Variants in PIN1 observed in about 807,000 individuals in gnomAD.
PIN1 encodes peptidylprolyl cis/trans isomerase, NIMA-interacting 1, also known as peptidyl-prolyl cis-trans isomerase NIMA-interacting 1.
A neutral mutation model predicts 19.9 loss-of-function variants in PIN1; 8 were observed. That is an observed-to-expected ratio of 0.40 (90% CI 0.24 to 0.72). PIN1 has a LOEUF of 0.72. Ranked by LOEUF, PIN1 falls within the 30% of genes least tolerant of loss-of-function variation. The pLI, the probability that PIN1 is intolerant of heterozygous loss-of-function variation, is 0.37. For missense variants in PIN1, 185 were observed against 226.5 expected (o/e 0.82, Z 1.18); for synonymous variants, 86 against 90.8 (o/e 0.95, Z 0.30).
rs761961065 is a variant in PIN1 at position 9,849,594 on chromosome 19, C to A, written c.*395C>A. ...GTTAGGCCACGCTCCTCTGTTCAGTCGCAAAGGTGAACACTCATGCGGCCC... is the reference window on the plus strand; with the variant it reads ...GTTAGGCCACGCTCCTCTGTTCAGTAGCAAAGGTGAACACTCATGCGGCCC... On this transcript the variant is annotated 3_prime_UTR_variant, in exon 4 of 4. Transcript: ENST00000247970. 1.1e-5 allele frequency: 6 copies of A among 543,166 alleles called. No homozygotes were observed. The highest frequency in any genetic ancestry group is 8.4e-5 in the South Asian group (6 of 71,798). The allele number at this position is 543,166 out of a possible 1,614,324, so 33.6% of individuals were successfully genotyped here.
chr19:9,839,741 G>C (rs1012325322), intron 2 of PIN1, among the ~76,000 whole-genome samples: 13 of 152,186 alleles, frequency 8.5e-5, no homozygotes, highest in Non-Finnish European at 1.8e-4. Context: ...GTCTAAAGCT[G>C]TCCAGTTTGG....
At chr19:9,848,536 G>A (rs1246538506) in intron 3 of PIN1, 1 of 271,640 alleles carries the variant, frequency 3.7e-6, no homozygotes, top group African/African-American at 2.2e-5. Context: ...GAAACCAGGG[G>A]TGAGAGGAGG....
At chr19:9,843,344 C>G (rs1214856438) in intron 2 of PIN1, among the ~76,000 whole-genome samples, 1 of 152,280 alleles carries the variant, frequency 6.6e-6, no homozygotes, top group African/African-American at 2.4e-5. Context: ...ACCCTGTCAC[C>G]TCTTTCCCCG....
At chr19:9,837,434 C>CT (rs2046119811) in intron 1 of PIN1, 1 of 153,674 alleles carries the variant, frequency 6.5e-6, no homozygotes, top group Non-Finnish European at 1.4e-5. Context: ...GATTACAGGC[C>CT]TGAGCCACTG....
intron 2 of PIN1, among the ~76,000 whole-genome samples, chr19:9,845,869 G>A (rs916691941): frequency 6.6e-6 from 1 of 152,190 alleles, no homozygotes; most frequent in Non-Finnish European, 1.5e-5. Context: ...GGTGATGCTT[G>A]TTCAGGGCCT....
At chr19:9,842,645 C>T (rs2046179248) in intron 2 of PIN1, among the ~76,000 whole-genome samples, 2 of 152,246 alleles carry the variant, frequency 1.3e-5, no homozygotes, top group Admixed American at 6.5e-5. Flanking sequence ...TCCTGGTATC[C>T]TCCTGCCTGA....
At chr19:9,847,213 G>A (rs62105751) in intron 2 of PIN1, among the ~76,000 whole-genome samples, 46,787 of 152,004 alleles carry the variant, frequency 0.31, 7,310 homozygotes, top group South Asian at 0.36. Flanking sequence ...CTTGGCTTCC[G>A]AAACGTGAGT....
chr19:9,835,647 G>A, intron 1 of PIN1: 1 of 478,798 alleles, frequency 2.1e-6, no homozygotes. Flanking sequence ...AGTCCGGGGC[G>A]ATGGCCCTGG....
At chr19:9,847,703 T>C (rs1460967679) in intron 2 of PIN1, among the ~76,000 whole-genome samples, 3 of 117,534 alleles carry the variant, frequency 2.6e-5, no homozygotes, top group Non-Finnish European at 4.2e-5. Context: ...TGTGTGTGTG[T>C]GCATGTGTGT....
intron 1 of PIN1, chr19:9,836,542 G>A: frequency 3.9e-6 from 1 of 256,914 alleles, no homozygotes. Flanking sequence ...TGCTGTTTCT[G>A]CTCAGTTCAA....
chr19:9,841,532 T>A (rs187824436), intron 2 of PIN1, among the ~76,000 whole-genome samples: 156 of 152,184 alleles, frequency 1.0e-3, no homozygotes, highest in African/African-American at 3.5e-3. Context: ...CCAGCCAGGT[T>A]GAGGAGGGTC....
In PIN1 at chr19:9,848,128, G is replaced by T. The variant is rs138056875; in HGVS notation, c.370G>T (p.Ala124Ser). 2.0e-3 allele frequency: 3,164 copies of T among 1,604,008 alleles called. 1 individual carries two copies. Among genetic ancestry groups the T allele is most frequent in the Non-Finnish European group, 2.6e-3 (2,989 of 1,170,944 alleles). ...SSAKARGDLG[A>S]FSRGQMQKPF... is the part of the protein sequence containing the mutation. ...AGCCAAGGCCAGGGGAGACCTGGGTGCCTTCAGCAGAGGTGCGCAAGGAAT... is the reference window on the plus strand; with the variant it reads ...AGCCAAGGCCAGGGGAGACCTGGGTTCCTTCAGCAGAGGTGCGCAAGGAAT... The change falls in exon 3 of 4, where the codon GCC becomes TCC. Residue 124 changes from alanine to serine, a missense_variant. Transcript: ENST00000247970.
intron 1 of PIN1, chr19:9,836,286 G>A (rs905010708): frequency 4.6e-5 from 7 of 153,340 alleles, no homozygotes; most frequent in African/African-American, 1.7e-4. Context: ...TGAACTGTTT[G>A]GATACATGGA....
Position 9,835,366 on chromosome 19 carries a change from C to A in PIN1, c.22C>A (p.Pro8Thr). 2.0e-6 allele frequency: 3 copies of A among 1,522,586 alleles called. No homozygotes were observed. The South Asian group carries it at 3.6e-5, about 18-fold the overall frequency. The allele number at this position is 1,522,586 out of a possible 1,614,324, so 94.3% of individuals were successfully genotyped here. Residue 8 changes from proline (P) to threonine (T), a missense_variant, in exon 1 of 4, where the codon CCG becomes ACG. Coordinates refer to ENST00000247970, the MANE Select transcript of PIN1 (RefSeq NM_006221.4). ...GAAGATGGCGGACGAGGAGAAGCTG[C>A]CGCCCGGCTGGGAGAAGCGCATGAG... MADEEKLPPGWEKRMSRS... is the reference protein window; with the variant it reads MADEEKLTPGWEKRMSRS...
chr19:9,845,961 G>A (rs1014521420), intron 2 of PIN1, among the ~76,000 whole-genome samples: 2 of 152,122 alleles, frequency 1.3e-5, no homozygotes, highest in African/African-American at 2.4e-5. Flanking sequence ...GGCACCGTGC[G>A]ATCCCCTGGC....
In PIN1 at chr19:9,838,241, C is replaced by T; in HGVS notation, c.59-195C>T. The T allele has an allele frequency of 6.1e-6, 4 of 651,984 alleles. No individual in the cohort carries two copies. Among genetic ancestry groups the T allele is most frequent in the Non-Finnish European group, 1.1e-5 (4 of 356,586 alleles). 40.4% of individuals were successfully genotyped at this position (651,984 alleles called of 1,614,324 possible). The stretch of plus-strand genomic sequence containing the variant: ...TCTGCTCTCACCTAGAATGTTAGCT[C>T]TCTAAGGGCAGGGACTGTATCCTGC... On this transcript the variant is annotated intron_variant, in intron 1 of 3. Coordinates refer to ENST00000247970, the MANE Select transcript of PIN1 (RefSeq NM_006221.4). The surrounding 1 kb of genome is among the most constrained non-coding windows in gnomAD (Gnocchi z 5.8).
At chr19:9,841,956 G>A (rs1443907650) in intron 2 of PIN1, among the ~76,000 whole-genome samples, 3 of 152,192 alleles carry the variant, frequency 2.0e-5, no homozygotes, top group African/African-American at 4.8e-5. Context: ...GGCTGAGGTC[G>A]GTGGGGATAG....
chr19:9,836,718 C>G (rs1365932341), intron 1 of PIN1: 1 of 684,828 alleles, frequency 1.5e-6, no homozygotes, highest in Non-Finnish European at 2.2e-6. Flanking sequence ...AATGCTGGTT[C>G]CTAGCTCTGC....
chr19:9,838,885 G>C lies in PIN1; in HGVS notation c.271+237G>C, dbSNP rs936400249. ...AGAGGACCCAGCCTGGGGGCTGGCA[G>C]ACATGGGTTCAGGTAGTAGCTGTGC... On this transcript the variant is annotated intron_variant, in intron 2 of 3. Transcript: ENST00000247970. The surrounding 1 kb of genome is among the most constrained non-coding windows in gnomAD (Gnocchi z 5.8). Among the ~76,000 whole-genome samples the C allele has an allele frequency of 3.3e-5, 5 of 152,300 alleles. No homozygotes were observed. Among genetic ancestry groups the C allele is most frequent in the Non-Finnish European group, 7.4e-5 (5 of 68,024 alleles).
Sources: gnomAD v4.1 joint callset for allele counts (sites outside exome capture counted in the v4.1 genomes callset) on GRCh38, gnomAD v4.1.1 for gene constraint, Gnocchi (gnomAD v3.1) non-coding constraint, MANE v1.5 for transcripts, NCBI Gene and HGNC (gene_info 2026-07-23, HGNC 2026-07-21) for gene names.